DGKA: variants seen among roughly 807,000 people sequenced by gnomAD.
The protein encoded by DGKA is 80 kDa diacylglycerol kinase.
Under a neutral mutation model 105.0 loss-of-function variants are expected in DGKA, and 35 were observed. The ratio of observed to expected loss-of-function variants is 0.33; its 90% CI spans 0.25 to 0.44. The LOEUF (loss-of-function observed/expected upper bound fraction) is 0.44. Among genes scored for constraint, DGKA ranks in the 20% least tolerant of loss-of-function variants. The probability of loss-of-function intolerance (pLI) is 1.00; values close to 1 mark genes in which losing one functional copy is unlikely to be tolerated. For synonymous variants in DGKA, 296 were observed against 332.0 expected (o/e 0.89, Z 1.18); for missense variants, 665 against 915.0 (o/e 0.73, Z 3.53).
chr12:55,948,337 G>A (rs1242439119), intron 17 of DGKA, among the ~76,000 whole-genome samples: 1 of 151,530 alleles, frequency 6.6e-6, no homozygotes, highest in East Asian at 2.0e-4. Context: ...GGAGGCGGAG[G>A]TTGCAGTGAG....
Position 55,936,243 on chromosome 12 carries a change from C to T in DGKA, c.-81-180C>T, listed in dbSNP as rs1158116987. 3 of 673,172 alleles carry T rather than the reference C, an allele frequency of 4.5e-6. No homozygotes were observed. In the African/African-American group the frequency reaches 5.5e-5, roughly 12 times the overall value. The allele number at this position is 673,172 out of a possible 1,614,324, so 41.7% of individuals were successfully genotyped here. A position where few individuals can be genotyped will look rare whatever the true frequency, so the allele number is the denominator to read the frequency against. On this transcript the variant is annotated intron_variant, in intron 1 of 23. Coordinates refer to ENST00000331886, the MANE Select transcript of DGKA (RefSeq NM_001345.5). ...AACAGAGACAGAGGACAGACACTGTCAGGGAAGGTAGAGGCATAGGGAAGA... is the reference window on the plus strand; with the variant it reads ...AACAGAGACAGAGGACAGACACTGTTAGGGAAGGTAGAGGCATAGGGAAGA...
chr12:55,931,078 T>C (rs1463014721), upstream of DGKA: 1 of 152,180 alleles, frequency 6.6e-6, no homozygotes, highest in Non-Finnish European at 1.5e-5. Context: ...AAGGCTTTGT[T>C]ACTCTGCCCC....
Position 55,952,182 on chromosome 12 carries a change from G to A in DGKA, c.1652+83G>A. Reference sequence around the variant, plus strand: ...CAAGTTTGACTCAGATTGCTCAGAAGAACAGTGGCACCTCTAGGAGGTCCC... The same window carrying A: ...CAAGTTTGACTCAGATTGCTCAGAAAAACAGTGGCACCTCTAGGAGGTCCC... On this transcript the variant is annotated intron_variant, in intron 19 of 23. Transcript: ENST00000331886. The surrounding 1 kb of genome is among the most constrained non-coding windows in gnomAD (Gnocchi z 5.1). 1 of 1,580,118 alleles carries A rather than the reference G, an allele frequency of 6.3e-7. No homozygotes were observed. The highest frequency in any genetic ancestry group is 1.3e-5 in the African/African-American group (1 of 74,358).
chr12:55,936,466 A>T lies in DGKA; in HGVS notation c.-38A>T, dbSNP rs753461747. On this transcript the variant is annotated 5_prime_UTR_variant, in exon 2 of 24. Transcript: ENST00000331886. ...TCCAAGCAACGGAAGTACTACTACG[A>T]AGCTGCCTTTCTGGCCATCCTTGAG... 4 of 1,609,644 alleles carry T rather than the reference A, an allele frequency of 2.5e-6. No individual in the cohort carries two copies. Among genetic ancestry groups the T allele is most frequent in the Non-Finnish European group, 3.4e-6 (4 of 1,177,082 alleles).
rs752665440 is a variant in DGKA, at chr12:55,935,959, G to GT, written c.-81-463dup. ...ATGGCCAGGAAGACGCGCTAACGCA[G>GT]TAAGAGTCACTCAGAGGGCCGGAAC... is the stretch of plus-strand genomic sequence containing the variant. On this transcript the variant is annotated intron_variant, in intron 1 of 23. Coordinates refer to ENST00000331886, the MANE Select transcript of DGKA (RefSeq NM_001345.5). The GT allele has an allele frequency of 1.4e-5, 14 of 988,732 alleles. No individual in the cohort carries two copies. In the Admixed American group the frequency reaches 2.4e-4, roughly 17 times the overall value. 61.2% of individuals were successfully genotyped at this position (988,732 alleles called of 1,614,324 possible). A position where few individuals can be genotyped will look rare whatever the true frequency, so the allele number is the denominator to read the frequency against.
chr12:55,938,242 C>T (rs1370021489), intron 5 of DGKA, 190 bp downstream of exon 5: 7 of 667,554 alleles, frequency 1.0e-5, no homozygotes, highest in Non-Finnish European at 1.5e-5. Context: ...CCATAGTCAC[C>T]CCAGTACCCA....
At chr12:55,927,318 C>T, upstream of DGKA, 1 of 791,058 alleles carries the variant, frequency 1.3e-6, no homozygotes, top group South Asian at 1.4e-5. Flanking sequence ...CCACCGATAC[C>T]ATTACTGAGC....
intron 17 of DGKA, among the ~76,000 whole-genome samples, chr12:55,945,100 T>G (rs1252362311): frequency 3.3e-5 from 5 of 152,130 alleles, no homozygotes; most frequent in Non-Finnish European, 5.9e-5. Flanking sequence ...GTGCCCAACC[T>G]TGGGGTGGCA....
intron 17 of DGKA, 47 bp from the exon 18 acceptor site, chr12:55,951,576 T>C: frequency 6.3e-7 from 1 of 1,578,314 alleles, no homozygotes; most frequent in Admixed American, 1.8e-5. Context: ...AGAAGAGGCC[T>C]CTCTGGGACC....
Position 55,941,315 on chromosome 12 carries a change from C to T in DGKA, c.1165C>T (p.Gln389Ter). 1 of 1,613,472 alleles carries T rather than the reference C, an allele frequency of 6.2e-7. No homozygotes were observed. The highest frequency in any genetic ancestry group is 8.5e-7 in the Non-Finnish European group (1 of 1,179,558). The change falls in exon 14 of 24, where the codon CAG becomes TAG. Residue 389 changes from glutamine (Q) to a stop codon, truncating the protein, a stop_gained. Coordinates refer to ENST00000331886, the MANE Select transcript of DGKA (RefSeq NM_001345.5). LOFTEE classifies it high-confidence loss of function. Reference protein sequence around the residue: ...VFVNPKSGGKQGQRVLWKFQY... With the variant: ...VFVNPKSGGK ...TGTCAATCCTAAGAGTGGCGGGAAG[C>T]AGGGGCAAAGGTGAGGAGAAATATA... is the stretch of plus-strand genomic sequence containing the variant.
At chr12:55,947,305 T>C (rs932403489) in intron 17 of DGKA, among the ~76,000 whole-genome samples, 8 of 152,088 alleles carry the variant, frequency 5.3e-5, no homozygotes, top group African/African-American at 1.9e-4. Flanking sequence ...TTTTAAAACC[T>C]TTTTTCTTCC....
At chr12:55,947,594 C>T (rs1887295273) in intron 17 of DGKA, among the ~76,000 whole-genome samples, 2 of 152,042 alleles carry the variant, frequency 1.3e-5, no homozygotes, top group African/African-American at 2.4e-5. Flanking sequence ...AATAGTGTTC[C>T]GTTGTGTGAA....
intron 1 of DGKA, chr12:55,935,964 A>T (rs1415198189): frequency 1.0e-6 from 1 of 988,836 alleles, no homozygotes; most frequent in Non-Finnish European, 1.2e-6. Flanking sequence ...ACGCAGTAAG[A>T]GTCACTCAGA....
At chr12:55,936,797 C>A in intron 2 of DGKA, 3 of 808,738 alleles carry the variant, frequency 3.7e-6, no homozygotes, top group East Asian at 2.5e-5. Context: ...CGGCTCTCTA[C>A]CCACCTTCGC....
intron 3 of DGKA, 24 bp from the exon 4 acceptor site, chr12:55,937,384 G>C (rs1038533988): frequency 6.2e-7 from 1 of 1,611,408 alleles, no homozygotes; most frequent in Non-Finnish European, 8.5e-7. Flanking sequence ...AGACTCCCCA[G>C]GATAATGCTC....
upstream of DGKA, among the ~76,000 whole-genome samples, chr12:55,929,947 A>G (rs1883298028): frequency 6.6e-6 from 1 of 152,254 alleles, no homozygotes; most frequent in Admixed American, 6.5e-5. Flanking sequence ...TAAAGACGAT[A>G]GAGTGAGAAA....
At chr12:55,937,268 G>A in intron 3 of DGKA, 140 bp from the exon 4 acceptor site, 3 of 1,233,152 alleles carry the variant, frequency 2.4e-6, no homozygotes, top group South Asian at 2.8e-5. Flanking sequence ...ATTAACTCAG[G>A]ACTTAATCAA....
chr12:55,953,570 C>T (rs1403492704), intron 23 of DGKA, 115 bp from the exon 24 acceptor site: 2 of 1,342,316 alleles, frequency 1.5e-6, no homozygotes, highest in Non-Finnish European at 2.1e-6. Flanking sequence ...CCTATCGTGG[C>T]CTCTCTAGGA....
intron 17 of DGKA, among the ~76,000 whole-genome samples, chr12:55,945,840 A>G (rs954741531): frequency 6.6e-5 from 10 of 151,356 alleles, no homozygotes; most frequent in African/African-American, 1.9e-4. Flanking sequence ...CCCAGGCTGG[A>G]GTGCAGTGGC....
Sources: allele counts gnomAD v4.1 joint callset (sites outside exome capture counted in the v4.1 genomes callset), GRCh38; gene constraint gnomAD v4.1.1; non-coding constraint Gnocchi (gnomAD v3.1); transcripts MANE v1.5; gene names NCBI Gene and HGNC (gene_info 2026-07-23, HGNC 2026-07-21).